PAN3: variants seen among roughly 807,000 people sequenced by gnomAD.
PAN3 encodes PAN2-PAN3 deadenylation complex subunit PAN3.
PAN3 carries 19 observed loss-of-function variants against 96.2 expected under a neutral mutation model. The ratio of observed to expected loss-of-function variants is 0.20; its 90% confidence interval spans 0.14 to 0.29. PAN3 has a LOEUF of 0.29. PAN3 is among the 10% of genes least tolerant of loss of function. PAN3 has a pLI of 1.00. For synonymous variants in PAN3, 433 were observed against 406.6 expected (o/e 1.06, Z -0.78); for missense variants, 882 against 1,108.1 (o/e 0.80, Z 2.90).
chr13:28,176,866 G>A (rs191643323), intron 3 of PAN3, among the ~76,000 whole-genome samples: 56 of 151,558 alleles, frequency 3.7e-4, no homozygotes, highest in African/African-American at 1.3e-3. Flanking sequence ...AAAGAAAAGT[G>A]TATAAGTTAT....
At chr13:28,149,251 G>T (rs953398259) in intron 1 of PAN3, among the ~76,000 whole-genome samples, 6 of 152,100 alleles carry the variant, frequency 3.9e-5, no homozygotes, top group African/African-American at 1.4e-4. Flanking sequence ...CTACTCAGGA[G>T]GCTGATGTGA....
intron 6 of PAN3, among the ~76,000 whole-genome samples, chr13:28,223,451 G>GTTT (rs1881617545): frequency 2.0e-5 from 3 of 151,950 alleles, no homozygotes; most frequent in African/African-American, 7.3e-5. Context: ...AATCCCTCCA[G>GTTT]TTATGCATAT....
At chr13:28,216,863 C>G (rs1880832550) in intron 5 of PAN3, among the ~76,000 whole-genome samples, 1 of 151,816 alleles carries the variant, frequency 6.6e-6, no homozygotes, top group Non-Finnish European at 1.5e-5. Context: ...CGCCTGTAAT[C>G]CCAGCACTTT....
At chr13:28,184,773 A>T (rs1383373582) in intron 4 of PAN3, among the ~76,000 whole-genome samples, 1 of 152,040 alleles carries the variant, frequency 6.6e-6, no homozygotes, top group Non-Finnish European at 1.5e-5. Flanking sequence ...CTTCTCTTTT[A>T]TGTTTATTGG....
At chr13:28,215,268 G>C (rs1410189719) in intron 5 of PAN3, 1 of 708,472 alleles carries the variant, frequency 1.4e-6, no homozygotes, top group East Asian at 2.5e-5. Flanking sequence ...GCCTCTCCAG[G>C]GTGTCTACAA....
Position 28,220,329 on chromosome 13 carries a change from T to C in PAN3, c.951T>C (p.Val317=), listed in dbSNP as rs1032675835. ...CAAATATGTCTGCCTTCTCTCAAGT[T>C]TTCTCTCACCCATCCATGGGAAGCC... ...SQSNMSAFSQ[V]FSHPSMGSPA... The change falls in exon 6 of 19, where the codon GTT becomes GTC. Residue 317 remains valine (V), a synonymous_variant. Transcript: ENST00000380958. The C allele has an allele frequency of 5.0e-6, 8 of 1,613,650 alleles. No individual in the cohort carries two copies. In the African/African-American group the frequency reaches 9.3e-5, roughly 19 times the overall value.
At chr13:28,239,350 C>T (rs1883430893) in intron 6 of PAN3, among the ~76,000 whole-genome samples, 1 of 152,080 alleles carries the variant, frequency 6.6e-6, no homozygotes, top group African/African-American at 2.4e-5. Context: ...TGTGCTATAG[C>T]TTCTCTTGAA....
At chr13:28,237,640 C>G (rs1028630121) in intron 6 of PAN3, among the ~76,000 whole-genome samples, 2 of 152,082 alleles carry the variant, frequency 1.3e-5, no homozygotes, top group Admixed American at 1.3e-4. Flanking sequence ...AATAACAAGG[C>G]TATGTAGTAT....
intron 4 of PAN3, among the ~76,000 whole-genome samples, chr13:28,180,928 C>T (rs1348517730): frequency 6.6e-6 from 1 of 151,878 alleles, no homozygotes. Flanking sequence ...TACTCAGCAG[C>T]ATATTAATTA....
chr13:28,187,455 G>A lies in PAN3; in HGVS notation c.690+9520G>A, dbSNP rs145096717. On this transcript the variant is annotated intron_variant, in intron 4 of 18. Transcript: ENST00000380958. ...AAGGATATAAGAAGTTGCAGTTGGT[G>A]TTCCAGTTCTTTAGAAATTGAATGT... 9.2e-3 allele frequency among the ~76,000 whole-genome samples: 1,399 copies of A among 152,320 alleles called. 13 individuals are homozygous for A. Among genetic ancestry groups the A allele is most frequent in the Non-Finnish European group, 0.014 (947 of 68,026 alleles).
chr13:28,225,642 T>G (rs1881916407), intron 6 of PAN3, among the ~76,000 whole-genome samples: 1 of 152,202 alleles, frequency 6.6e-6, no homozygotes. Flanking sequence ...GCCAGCCCAG[T>G]GTACATTTTA....
chr13:28,140,858 T>G (rs556432906), intron 1 of PAN3, among the ~76,000 whole-genome samples: 1 of 152,198 alleles, frequency 6.6e-6, no homozygotes, highest in East Asian at 1.9e-4. Flanking sequence ...TGGTTACTTA[T>G]GGGTGGAATT....
chr13:28,176,243 T>C (rs1408891698), intron 2 of PAN3, among the ~76,000 whole-genome samples: 1 of 152,200 alleles, frequency 6.6e-6, no homozygotes, highest in African/African-American at 2.4e-5. Context: ...TAATAAGTTA[T>C]GGAAGCACAA....
At chr13:28,244,623 A>G (rs747017601) in intron 6 of PAN3, among the ~76,000 whole-genome samples, 4 of 152,144 alleles carry the variant, frequency 2.6e-5, no homozygotes, top group Non-Finnish European at 4.4e-5. Context: ...ATGAGCCTCT[A>G]TCAAACATCT....
intron 14 of PAN3, among the ~76,000 whole-genome samples, chr13:28,273,166 T>G (rs1306395561): frequency 6.6e-6 from 1 of 152,258 alleles, no homozygotes; most frequent in Admixed American, 6.5e-5. Flanking sequence ...TTATACTTTA[T>G]TAGTATTTGA....
chr13:28,286,321 T>C (rs980485953), intron 17 of PAN3, among the ~76,000 whole-genome samples: 11 of 152,240 alleles, frequency 7.2e-5, no homozygotes, highest in African/African-American at 2.7e-4. Context: ...TCTGGTTTGC[T>C]TGGCATCCCT....
chr13:28,256,282 T>C lies in PAN3; in HGVS notation c.1001-10T>C. The C allele has an allele frequency of 3.1e-6, 5 of 1,606,608 alleles. No homozygotes were observed. Among genetic ancestry groups the C allele is most frequent in the Non-Finnish European group, 3.4e-6 (4 of 1,176,232 alleles). On this transcript the variant is annotated splice_polypyrimidine_tract_variant and intron_variant, in intron 6 of 18. Transcript: ENST00000380958. ...TGCTCCATTAAGAAACATTTTTACA[T>C]CTTCTTCAGGAATGTCGTTGTCTGC...
At chr13:28,169,455 A>G (rs1874021702) in intron 1 of PAN3, among the ~76,000 whole-genome samples, 1 of 151,112 alleles carries the variant, frequency 6.6e-6, no homozygotes, top group African/African-American at 2.4e-5. Flanking sequence ...GTCTCAGATG[A>G]ACTGAGCTCA....
intron 6 of PAN3, among the ~76,000 whole-genome samples, chr13:28,247,351 G>T (rs1232575269): frequency 1.3e-5 from 2 of 151,964 alleles, no homozygotes; most frequent in South Asian, 2.1e-4. Flanking sequence ...CCGATGAAGG[G>T]ATAGTGTGCA....
Sources: gnomAD v4.1 joint callset for allele counts (sites outside exome capture counted in the v4.1 genomes callset) on GRCh38, gnomAD v4.1.1 for gene constraint, MANE v1.5 for transcripts, NCBI Gene and HGNC (gene_info 2026-07-23, HGNC 2026-07-21) for gene names.